Variants in ATL3 observed in about 807,000 individuals in gnomAD.
The protein encoded by ATL3 is atlastin GTPase 3.
In ATL3, 49 loss-of-function variants were observed where a neutral mutation model predicts 69.5. That is an observed-to-expected ratio of 0.71 (90% CI 0.56 to 0.89). The LOEUF is 0.89. Ranked by LOEUF, ATL3 falls within the 40% of genes least tolerant of loss-of-function variation. ATL3 has a pLI of 0.00. For missense variants in ATL3, 606 were observed against 645.7 expected (o/e 0.94, Z 0.67); for synonymous variants, 214 against 224.1 (o/e 0.95, Z 0.40).
At chr11:63,630,464 CACA>C (rs1939274924) in intron 12 of ATL3, among the ~76,000 whole-genome samples, 1 of 136,744 alleles carries the variant, frequency 7.3e-6, no homozygotes, top group Non-Finnish European at 1.6e-5. Context: ...CAAAGGGGAA[CACA>C]ATCAGTATGT....
chr11:63,655,130 GT>G lies in ATL3; in HGVS notation c.406-2556del, dbSNP rs201764905. 1.1e-3 allele frequency among the ~76,000 whole-genome samples: 166 copies of G among 152,226 alleles called. No individual in the cohort carries two copies. In the East Asian group the frequency reaches 0.018, roughly 17 times the overall value. The stretch of plus-strand genomic sequence containing the variant: ...GTAGTTAAGTAATTTGGAAACTCTG[GT>G]TTTTTCTGTTCTTGCTGTTTAGATT... On this transcript the variant is annotated intron_variant, in intron 3 of 12. Coordinates refer to ENST00000398868, the MANE Select transcript of ATL3 (RefSeq NM_015459.5).
intron 8 of ATL3, among the ~76,000 whole-genome samples, chr11:63,642,392 A>C (rs1236227021): frequency 6.6e-6 from 1 of 152,262 alleles, no homozygotes; most frequent in Non-Finnish European, 1.5e-5. Context: ...TCTTGGATCA[A>C]CTAAATCAAA....
intron 4 of ATL3, 51 bp from the exon 5 acceptor site, chr11:63,652,037 T>C: frequency 6.4e-7 from 1 of 1,570,226 alleles, no homozygotes; most frequent in Non-Finnish European, 8.6e-7. Context: ...TTCAAACAAA[T>C]CCCAAATAAG....
In ATL3 at chr11:63,671,291, T is replaced by G; in HGVS notation, c.45A>C (p.Ala15=). 1 of 1,584,798 alleles carries G rather than the reference T, an allele frequency of 6.3e-7. No homozygotes were observed. Among genetic ancestry groups the G allele is most frequent in the Non-Finnish European group, 8.6e-7 (1 of 1,167,540 alleles). The part of the protein sequence containing the change: ...QRVAAAASRG[A]DDAMESSKPG... Reference sequence around the variant, plus strand: ...ATCCAGGGAAAATCGGCGCCTCACCTGCTCCTCTTGAGGCAGCTGCTGCCA... The same window carrying G: ...ATCCAGGGAAAATCGGCGCCTCACCGGCTCCTCTTGAGGCAGCTGCTGCCA... Residue 15 remains alanine (A), a splice_region_variant and synonymous_variant, in exon 1 of 13, where the codon GCA becomes GCC. Coordinates refer to ENST00000398868, the MANE Select transcript of ATL3 (RefSeq NM_015459.5).
intron 1 of ATL3, among the ~76,000 whole-genome samples, chr11:63,667,745 CAG>C (rs1940619514): frequency 7.0e-6 from 1 of 143,534 alleles, no homozygotes; most frequent in African/African-American, 2.6e-5. Context: ...GCCTGGGTGA[CAG>C]AGCGAGACTC....
chr11:63,659,158 G>A lies in ATL3; in HGVS notation c.141C>T (p.Ala47=). 1 of 1,614,028 alleles carries A rather than the reference G, an allele frequency of 6.2e-7. No individual in the cohort carries two copies. Among genetic ancestry groups the A allele is most frequent in the Non-Finnish European group, 8.5e-7 (1 of 1,180,026 alleles). The part of the protein sequence containing the change: ...HSFELDEKAL[A]SILLQDHIRD... Reference sequence around the variant, plus strand: ...GGATGTGGTCCTGCAAGAGGATGCTGGCCAAGGCTTTCTCATCTAGCTCAA... The same window carrying A: ...GGATGTGGTCCTGCAAGAGGATGCTAGCCAAGGCTTTCTCATCTAGCTCAA... Residue 47 remains alanine (A), a synonymous_variant, in exon 2 of 13, where the codon GCC becomes GCT. Transcript: ENST00000398868.
At chr11:63,655,500 T>C (rs1389823458) in intron 3 of ATL3, among the ~76,000 whole-genome samples, 1 of 148,740 alleles carries the variant, frequency 6.7e-6, no homozygotes, top group African/African-American at 2.5e-5. Flanking sequence ...CAGGCGGAAG[T>C]GCAATGGTGC....
intron 5 of ATL3, among the ~76,000 whole-genome samples, chr11:63,651,267 C>T (rs1262082691): frequency 2.0e-5 from 3 of 151,972 alleles, no homozygotes; most frequent in Non-Finnish European, 2.9e-5. Context: ...CCAGCCGGAC[C>T]GACATGGTGA....
intron 3 of ATL3, 124 bp downstream of exon 3, chr11:63,658,636 CT>C: frequency 1.8e-6 from 2 of 1,129,562 alleles, no homozygotes; most frequent in Non-Finnish European, 2.4e-6. Context: ...GACTTTTTAA[CT>C]TTTCTTACTT....
At chr11:63,668,804 T>C (rs1229820311) in intron 1 of ATL3, among the ~76,000 whole-genome samples, 3 of 146,102 alleles carry the variant, frequency 2.1e-5, no homozygotes, top group African/African-American at 5.0e-5. Flanking sequence ...TTTTTTTTTT[T>C]TTTTTTTTTT....
intron 5 of ATL3, 149 bp downstream of exon 5, chr11:63,651,787 A>G: frequency 8.6e-7 from 1 of 1,169,326 alleles, no homozygotes; most frequent in Non-Finnish European, 1.1e-6. Flanking sequence ...CCACCCCACC[A>G]ATGGCTATAC....
chr11:63,671,879 A>G, upstream of ATL3: 1 of 424,238 alleles, frequency 2.4e-6, no homozygotes, highest in Non-Finnish European at 3.6e-6. Context: ...TTATCCTGGA[A>G]CCACCAGTGT....
At chr11:63,664,619 TG>T (rs1281225965) in intron 1 of ATL3, among the ~76,000 whole-genome samples, 1 of 151,560 alleles carries the variant, frequency 6.6e-6, no homozygotes, top group African/African-American at 2.4e-5. Context: ...AATAAGCTAT[TG>T]TTTTTTTGTT....
At chr11:63,667,022 A>G (rs1245537020) in intron 1 of ATL3, among the ~76,000 whole-genome samples, 2 of 152,234 alleles carry the variant, frequency 1.3e-5, no homozygotes, top group Non-Finnish European at 2.9e-5. Context: ...TAAGATTGCA[A>G]CGCAGTTCTT....
At chr11:63,671,756 G>T (rs757448486), upstream of ATL3, 92 of 1,202,648 alleles carry the variant, frequency 7.6e-5, no homozygotes, top group Middle Eastern at 2.3e-4. Context: ...GTGGTTCTCC[G>T]ACGACTGAAC....
chr11:63,642,606 G>A (rs556306954), intron 8 of ATL3, among the ~76,000 whole-genome samples: 1 of 152,256 alleles, frequency 6.6e-6, no homozygotes, highest in Non-Finnish European at 1.5e-5. Context: ...TTAACTAGCT[G>A]AGCACTTTGA....
chr11:63,653,779 T>C (rs1480797855), intron 3 of ATL3, among the ~76,000 whole-genome samples: 1 of 152,218 alleles, frequency 6.6e-6, no homozygotes, highest in Non-Finnish European at 1.5e-5. Flanking sequence ...TATGACATTC[T>C]GGTAAAGGCG....
rs1340528940 is a variant in ATL3 at position 63,659,218 on chromosome 11, C to T, written c.81G>A (p.Val27=). Residue 27 remains valine (V), a synonymous_variant, in exon 2 of 13, where the codon GTG becomes GTA. Transcript: ENST00000398868. ...GATCTTTCTGAACCAAAACAACCTG[C>T]ACTGGACCAGGCTTGCTGCTCTCCA... ...DAMESSKPGP[V]QVVLVQKDQH... is the part of the protein sequence containing the mutation. The T allele has an allele frequency of 3.1e-6, 5 of 1,614,122 alleles. No homozygotes were observed. Among genetic ancestry groups the T allele is most frequent in the Middle Eastern group, 1.6e-4 (1 of 6,062 alleles).
chr11:63,649,152 C>G (rs1002675713), intron 5 of ATL3, among the ~76,000 whole-genome samples: 4 of 152,016 alleles, frequency 2.6e-5, no homozygotes, highest in African/African-American at 9.7e-5. Context: ...TACTAAAAAT[C>G]CAGGTTAGGG....
Sources: allele counts gnomAD v4.1 joint callset (sites outside exome capture counted in the v4.1 genomes callset), GRCh38; gene constraint gnomAD v4.1.1; transcripts MANE v1.5; gene names NCBI Gene and HGNC (gene_info 2026-07-23, HGNC 2026-07-21).